Variants in MYO1D observed in about 807,000 individuals in gnomAD.
MYO1D encodes unconventional myosin-Id.
A neutral mutation model predicts 122.0 loss-of-function variants in MYO1D; 83 were observed. The observed-to-expected ratio is 0.68, with a 90% CI of 0.57 to 0.82. MYO1D has a LOEUF of 0.82. Ranked by LOEUF, MYO1D falls within the 40% of genes least tolerant of loss-of-function variation. The probability of loss-of-function intolerance (pLI) is 0.00; values close to 1 mark genes in which losing one functional copy is unlikely to be tolerated. For missense variants in MYO1D, 1,157 were observed against 1,269.5 expected, an observed-to-expected ratio of 0.91 and a Z score of 1.35; for synonymous variants, 464 against 446.9, an observed-to-expected ratio of 1.04 and a Z score of -0.48.
intron 16 of MYO1D, among the ~76,000 whole-genome samples, chr17:32,667,139 A>G (rs2088648120): frequency 6.6e-6 from 1 of 152,274 alleles, no homozygotes; most frequent in African/African-American, 2.4e-5. Context: ...TGAGCAAATT[A>G]TAAATATACA....
intron 16 of MYO1D, among the ~76,000 whole-genome samples, chr17:32,669,030 C>A (rs2729339): frequency 0.69 from 104,770 of 151,990 alleles, 36,232 homozygotes; most frequent in Middle Eastern, 0.78. Flanking sequence ...ATGTAAATCT[C>A]CTTTAACAGA....
At chr17:32,641,481 T>C (rs1487718300) in intron 19 of MYO1D, among the ~76,000 whole-genome samples, 1 of 152,242 alleles carries the variant, frequency 6.6e-6, no homozygotes. Flanking sequence ...ATGGTATTTC[T>C]AGTTCTAGAT....
chr17:32,588,036 T>C (rs983305909), intron 21 of MYO1D, among the ~76,000 whole-genome samples: 6 of 152,388 alleles, frequency 3.9e-5, no homozygotes, highest in East Asian at 1.9e-4. Context: ...GGTAAATCTA[T>C]AAATTTGGTA....
chr17:32,757,108 A>G (rs923958026), intron 10 of MYO1D, among the ~76,000 whole-genome samples: 1 of 152,176 alleles, frequency 6.6e-6, no homozygotes, highest in Non-Finnish European at 1.5e-5. Flanking sequence ...CAAGTGACTC[A>G]TGTATTCCCA....
intron 20 of MYO1D, among the ~76,000 whole-genome samples, chr17:32,628,972 G>C (rs1005369185): frequency 6.6e-6 from 1 of 152,166 alleles, no homozygotes; most frequent in African/African-American, 2.4e-5. Context: ...CCAAAAAGTG[G>C]AAGCAATCAA....
intron 10 of MYO1D, chr17:32,759,842 G>A (rs1314275970): frequency 7.4e-6 from 3 of 403,512 alleles, no homozygotes; most frequent in South Asian, 1.7e-4. Context: ...TTAATGTGTA[G>A]GTTTCAGAGA....
At chr17:32,730,955 G>A (rs186539782) in intron 14 of MYO1D, among the ~76,000 whole-genome samples, 3 of 150,736 alleles carry the variant, frequency 2.0e-5, no homozygotes, top group African/African-American at 7.3e-5. Flanking sequence ...CGCCCAGGCG[G>A]GAGTGCAGTG....
intron 21 of MYO1D, among the ~76,000 whole-genome samples, chr17:32,567,105 T>C (rs1236563078): frequency 6.6e-6 from 1 of 151,816 alleles, no homozygotes; most frequent in African/African-American, 2.4e-5. Context: ...TGGCTGAAGG[T>C]AGAGGATGCT....
intron 15 of MYO1D, among the ~76,000 whole-genome samples, chr17:32,717,578 T>G (rs577033749): frequency 3.3e-5 from 5 of 152,242 alleles, no homozygotes; most frequent in African/African-American, 4.8e-5. Context: ...AAACTAGGTA[T>G]GCCAGAAAAT....
intron 16 of MYO1D, among the ~76,000 whole-genome samples, chr17:32,669,136 G>C (rs1026623448): frequency 2.0e-5 from 3 of 152,076 alleles, no homozygotes; most frequent in African/African-American, 7.2e-5. Flanking sequence ...ATGCCACTTT[G>C]GCATAAAGAT....
chr17:32,872,665 C>T (rs147946659), intron 1 of MYO1D, among the ~76,000 whole-genome samples: 69 of 151,948 alleles, frequency 4.5e-4, no homozygotes, highest in African/African-American at 1.5e-3. Flanking sequence ...TTACTCTTGC[C>T]CCATCCAGAC....
chr17:32,789,536 T>G (rs189276309), intron 1 of MYO1D, among the ~76,000 whole-genome samples: 1 of 152,356 alleles, frequency 6.6e-6, no homozygotes, highest in Admixed American at 6.5e-5. Context: ...ACATCATTAC[T>G]GTCATAAGTT....
At chr17:32,546,342 T>C (rs1235697331) in intron 21 of MYO1D, among the ~76,000 whole-genome samples, 3 of 152,182 alleles carry the variant, frequency 2.0e-5, no homozygotes, top group Non-Finnish European at 2.9e-5. Context: ...ATGGAAACCA[T>C]CCCTCTGCGA....
chr17:32,512,172 T>C (rs532431523), intron 21 of MYO1D, among the ~76,000 whole-genome samples: 1 of 152,192 alleles, frequency 6.6e-6, no homozygotes, highest in African/African-American at 2.4e-5. Context: ...TGGTGGTGCA[T>C]GCCTGTAATC....
intron 13 of MYO1D, among the ~76,000 whole-genome samples, chr17:32,740,348 A>G (rs947693249): frequency 2.6e-5 from 4 of 152,208 alleles, no homozygotes; most frequent in African/African-American, 4.8e-5. Context: ...CTATTCCTGT[A>G]CTACACTGTA....
At chr17:32,660,286 G>A (rs1282864868) in intron 16 of MYO1D, among the ~76,000 whole-genome samples, 5 of 152,138 alleles carry the variant, frequency 3.3e-5, no homozygotes. Flanking sequence ...CCAACTCTTA[G>A]GTTGATTATA....
intron 14 of MYO1D, among the ~76,000 whole-genome samples, chr17:32,737,397 A>G (rs888608149): frequency 1.3e-5 from 2 of 150,390 alleles, no homozygotes; most frequent in African/African-American, 2.4e-5. Context: ...GTCCTGCTCT[A>G]TCACCCAGAC....
rs2090458747 is a variant in MYO1D, at chr17:32,801,343, G to A, written c.96-20559C>T. On this transcript the variant is annotated intron_variant, in intron 1 of 21. Coordinates refer to ENST00000318217, the MANE Select transcript of MYO1D (RefSeq NM_015194.3). The stretch of plus-strand genomic sequence containing the variant: ...TCTAAGTTTAAAAAGTCAAGGGTTT[G>A]GCCGGCGTGGCCAGTATATTTGGCA... Among the ~76,000 whole-genome samples the A allele has an allele frequency of 2.0e-5, 3 of 152,194 alleles. No homozygotes were observed. In the South Asian group the frequency reaches 6.2e-4, roughly 32 times the overall value.
At chr17:32,676,088 A>ACTT (rs1487552623) in intron 16 of MYO1D, among the ~76,000 whole-genome samples, 1 of 152,180 alleles carries the variant, frequency 6.6e-6, no homozygotes, top group Non-Finnish European at 1.5e-5. Context: ...GTAACATTTT[A>ACTT]GTAGTATCCT....
Sources: gnomAD v4.1 joint callset for allele counts (sites outside exome capture counted in the v4.1 genomes callset) on GRCh38, gnomAD v4.1.1 for gene constraint, MANE v1.5 for transcripts, NCBI Gene and HGNC (gene_info 2026-07-23, HGNC 2026-07-21) for gene names.